Variants in RASA3 observed in about 807,000 individuals in gnomAD.
RASA3 encodes RAS p21 protein activator 3, also known as ras GTPase-activating protein 3.
Under a neutral mutation model 110.0 loss-of-function variants are expected in RASA3, and 73 were observed. That is an observed-to-expected ratio of 0.66 (90% CI 0.55 to 0.81). The LOEUF (loss-of-function observed/expected upper bound fraction) is 0.81, where lower values mean the gene tolerates loss of function less well. Ranked by LOEUF, RASA3 falls within the 30% of genes least tolerant of loss-of-function variation. The pLI is 0.00. For synonymous variants in RASA3, 500 were observed against 451.4 expected, an observed-to-expected ratio of 1.11 and a Z score of -1.37; for missense variants, 976 against 1,113.2, an observed-to-expected ratio of 0.88 and a Z score of 1.75.
intron 1 of RASA3, among the ~76,000 whole-genome samples, chr13:114,088,556 T>TTTC (rs71840780): frequency 0.031 from 131 of 4,198 alleles, no homozygotes; most frequent in Non-Finnish European, 0.052. Flanking sequence ...CCAAATTAAT[T>TTTC]TTTTTTTTTT....
intron 1 of RASA3, among the ~76,000 whole-genome samples, chr13:114,080,280 G>A (rs994176775): frequency 6.6e-6 from 1 of 152,194 alleles, no homozygotes; most frequent in Non-Finnish European, 1.5e-5. Flanking sequence ...TCCTGGCCGG[G>A]AGGGGCTGCT....
At position 114,114,271 on chromosome 13, in the gene RASA3, G is replaced by T. The variant is rs530463597; in HGVS notation, c.55+18164C>A. 1.3e-5 allele frequency among the ~76,000 whole-genome samples: 2 copies of T among 152,356 alleles called. No homozygotes were observed. Among genetic ancestry groups the T allele is most frequent in the South Asian group, 4.1e-4 (2 of 4,830 alleles). On this transcript the variant is annotated intron_variant, in intron 1 of 23. Transcript: ENST00000334062. The surrounding 1 kb of genome is among the most constrained non-coding windows in gnomAD (Gnocchi z 4.8). ...AGGCAACCGCAAATTCAGCTGCGGA[G>T]TGCAAAACGAATTTCCTCCTGTCAC...
chr13:114,013,857 T>C (rs1201754637), intron 14 of RASA3, among the ~76,000 whole-genome samples: 9 of 52,384 alleles, frequency 1.7e-4, no homozygotes, highest in African/African-American at 3.4e-4. Flanking sequence ...TCTCTCTGTC[T>C]CTCTCCCTGT....
At chr13:114,073,938 G>T in intron 1 of RASA3, 101 bp from the exon 2 acceptor site, 1 of 1,036,056 alleles carries the variant, frequency 9.7e-7, no homozygotes, top group Non-Finnish European at 1.5e-6. Flanking sequence ...GCATTCACTA[G>T]CTCTCTATAA....
intron 4 of RASA3, among the ~76,000 whole-genome samples, chr13:114,039,987 G>A (rs1000165958): frequency 3.3e-5 from 5 of 152,208 alleles, no homozygotes; most frequent in African/African-American, 9.7e-5. Context: ...GCAACAGCCC[G>A]CCCAGCCAAC....
intron 16 of RASA3, among the ~76,000 whole-genome samples, chr13:114,010,414 G>C (rs367605570): frequency 1.3e-5 from 2 of 152,000 alleles, no homozygotes; most frequent in Admixed American, 1.3e-4. Context: ...CACTGCCCCC[G>C]GGACGCCTCA....
intron 1 of RASA3, among the ~76,000 whole-genome samples, chr13:114,079,227 C>G (rs1328241034): frequency 1.3e-5 from 2 of 152,254 alleles, no homozygotes; most frequent in Non-Finnish European, 2.9e-5. Flanking sequence ...AGGCTGGGCG[C>G]TCTTCTCTTT....
At chr13:114,051,509 C>A (rs2079146068) in intron 3 of RASA3, among the ~76,000 whole-genome samples, 2 of 152,216 alleles carry the variant, frequency 1.3e-5, no homozygotes, top group Admixed American at 1.3e-4. Flanking sequence ...TCCTGTGATA[C>A]CAGGCAGGGC....
chr13:114,032,544 C>T (rs988392151), intron 4 of RASA3, among the ~76,000 whole-genome samples: 11 of 152,108 alleles, frequency 7.2e-5, no homozygotes, highest in Admixed American at 1.3e-4. Context: ...CCAGGGTGCA[C>T]ACCCCGAAGC....
intron 13 of RASA3, 110 bp from the exon 14 acceptor site, chr13:114,015,442 A>G (rs1312202718): frequency 9.0e-5 from 127 of 1,407,542 alleles, no homozygotes; most frequent in Non-Finnish European, 7.1e-5. Flanking sequence ...GGGCGGGCGC[A>G]GGGCAGCTGC....
rs1193699790 is a variant in RASA3, at chr13:114,015,316, T to C, written c.1298A>G (p.Tyr433Cys). The change falls in exon 14 of 24, where the codon TAT (tyrosine) becomes TGT (cysteine). Residue 433 changes from tyrosine to cysteine, a missense_variant. Around this residue, in one of 4 missense-constraint regions of RASA3, gnomAD observed 732 missense variants for 779.7 expected, o/e 0.94. Transcript: ENST00000334062. ...LENNMENLRQ[Y>C]VDRVFHAITE... Reference sequence around the variant, plus strand: ...GATGGCGTGGAAGACGCGGTCCACATACTGCCGTAGGTTCTCCTGCAACGG... The same window carrying C: ...GATGGCGTGGAAGACGCGGTCCACACACTGCCGTAGGTTCTCCTGCAACGG... 5.0e-6 allele frequency: 8 copies of C among 1,612,980 alleles called. No homozygotes were observed. In the East Asian group the frequency reaches 6.7e-5, roughly 13 times the overall value.
intron 3 of RASA3, among the ~76,000 whole-genome samples, chr13:114,049,546 G>A (rs1030388460): frequency 6.6e-6 from 1 of 152,140 alleles, no homozygotes; most frequent in Non-Finnish European, 1.5e-5. Context: ...TTTTCCTTAG[G>A]GTTGTCGCTC....
In RASA3 at chr13:114,009,423, G is replaced by A. The variant is rs1205045739; in HGVS notation, c.1632C>T (p.Phe544=). ...KESYMATFYE[F]FNEQKYADAV... ...CATCAGCATATTTCTGCTCATTGAAGAATTCATAAAATGTAGCCATGTAGG... is the reference window on the plus strand; with the variant it reads ...CATCAGCATATTTCTGCTCATTGAAAAATTCATAAAATGTAGCCATGTAGG... The change falls in exon 17 of 24, where the codon TTC becomes TTT. Residue 544 remains phenylalanine (F), a synonymous_variant. Transcript: ENST00000334062. 2 of 1,612,444 alleles carry A rather than the reference G, an allele frequency of 1.2e-6. No individual in the cohort carries two copies. Among genetic ancestry groups the A allele is most frequent in the East Asian group, 2.2e-5 (1 of 44,892 alleles).
chr13:114,000,770 G>C, intron 19 of RASA3, 56 bp downstream of exon 19: 1 of 1,310,968 alleles, frequency 7.6e-7, no homozygotes, highest in African/African-American at 1.5e-5. Flanking sequence ...AGCAGACTCA[G>C]TCCCAGGGCC....
chr13:113,984,394 A>C (rs1422463422), intron 22 of RASA3, among the ~76,000 whole-genome samples: 30 of 66,194 alleles, frequency 4.5e-4, no homozygotes, highest in African/African-American at 7.2e-4. Context: ...CCCATCTGTC[A>C]ATCCACCCAT....
At position 114,065,588 on chromosome 13, in the gene RASA3, A is replaced by G. The variant is rs2079432827; in HGVS notation, c.173+8132T>C. Among the ~76,000 whole-genome samples the G allele has an allele frequency of 6.6e-6, 1 of 152,086 alleles. No homozygotes were observed. The highest frequency in any genetic ancestry group is 6.5e-5 in the Admixed American group (1 of 15,272). On this transcript the variant is annotated intron_variant, in intron 2 of 23. Coordinates refer to ENST00000334062, the MANE Select transcript of RASA3 (RefSeq NM_007368.4). This position sits in a 1 kb window ranked among gnomAD's most constrained non-coding sequence, Gnocchi z 4.1. ...CTCCGCAAAGGACAGGAGGCAAAAC[A>G]CACCCATCAGAAGCACATGGCCAGT... is the stretch of plus-strand genomic sequence containing the variant.
intron 10 of RASA3, 23 bp downstream of exon 10, chr13:114,018,740 C>T: frequency 6.2e-7 from 1 of 1,610,436 alleles, no homozygotes; most frequent in Middle Eastern, 1.7e-4. Flanking sequence ...CCCACACCCA[C>T]AGGCCACGGC....
intron 18 of RASA3, among the ~76,000 whole-genome samples, chr13:114,003,506 C>T (rs2053449304): frequency 6.6e-6 from 1 of 152,186 alleles, no homozygotes; most frequent in African/African-American, 2.4e-5. Context: ...CAAAGTTTCC[C>T]TTCTTGTTAA....
At position 113,992,546 on chromosome 13, in the gene RASA3, A is replaced by T; in HGVS notation, c.2184T>A (p.Arg728=). The T allele has an allele frequency of 6.2e-7, 1 of 1,613,672 alleles. No homozygotes were observed. The change falls in exon 22 of 24, where the codon CGT becomes CGA. Residue 728 remains arginine, a synonymous_variant. Transcript: ENST00000334062. ...ANIQLDIDGD[R]ETERIYSLFN... ...AGAGGGAGTAGATACGCTCCGTCTC[A>T]CGGTCCCCATCAATGTCCAGCTGGA...
Sources: gnomAD v4.1 joint callset for allele counts (sites outside exome capture counted in the v4.1 genomes callset) on GRCh38, gnomAD v4.1.1 for gene constraint, gnomAD v4.1.1 regional missense constraint, Gnocchi (gnomAD v3.1) non-coding constraint, MANE v1.5 for transcripts, NCBI Gene and HGNC (gene_info 2026-07-23, HGNC 2026-07-21) for gene names.